Variants in CUX1 observed in about 807,000 individuals in gnomAD.
CUX1 encodes protein CASP.
Under a neutral mutation model 158.8 loss-of-function variants are expected in CUX1, and 31 were observed. The ratio of observed to expected loss-of-function variants is 0.20; its 90% CI spans 0.15 to 0.26. CUX1 has a LOEUF of 0.26. Among genes scored for constraint, CUX1 ranks in the 10% least tolerant of loss-of-function variants. The pLI is 1.00. For missense variants in CUX1, 1,589 were observed against 2,014.6 expected (o/e 0.79, Z 4.04); for synonymous variants, 879 against 862.1 (o/e 1.02, Z -0.34).
intron 2 of CUX1, among the ~76,000 whole-genome samples, chr7:101,918,771 T>G (rs1185396478): frequency 6.6e-6 from 1 of 152,188 alleles, no homozygotes; most frequent in Admixed American, 6.5e-5. Context: ...GTAACTTTTT[T>G]TTTATTTTTT....
chr7:102,061,562 G>A (rs1376960969), intron 3 of CUX1, among the ~76,000 whole-genome samples: 1 of 152,144 alleles, frequency 6.6e-6, no homozygotes, highest in Non-Finnish European at 1.5e-5. Flanking sequence ...GGCCCAGAGA[G>A]GTTAATTCAA....
chr7:101,971,649 G>A (rs963802889), intron 2 of CUX1, among the ~76,000 whole-genome samples: 1 of 152,216 alleles, frequency 6.6e-6, no homozygotes, highest in African/African-American at 2.4e-5. Flanking sequence ...GATAAGTCAT[G>A]TGACTTACGC....
intron 18 of CUX1, among the ~76,000 whole-genome samples, chr7:102,279,670 C>T (rs1791904760): frequency 6.6e-6 from 1 of 152,306 alleles, no homozygotes; most frequent in Admixed American, 6.5e-5. Flanking sequence ...ACCAGCCTGG[C>T]TCTGGGTGGC....
intron 9 of CUX1, among the ~76,000 whole-genome samples, chr7:102,169,386 G>A (rs1791470878): frequency 1.3e-5 from 2 of 152,204 alleles, no homozygotes; most frequent in South Asian, 2.1e-4. Context: ...AGGCTTTTCT[G>A]ATTGAATGTT....
intron 20 of CUX1, among the ~76,000 whole-genome samples, chr7:102,223,749 A>G (rs1475513978): frequency 3.9e-5 from 6 of 152,172 alleles, no homozygotes; most frequent in Admixed American, 3.9e-4. Flanking sequence ...TGGGCGGGTC[A>G]TCTAAGGTCA....
At chr7:101,854,144 C>T (rs1018198344) in intron 1 of CUX1, among the ~76,000 whole-genome samples, 1 of 152,106 alleles carries the variant, frequency 6.6e-6, no homozygotes. Context: ...CAAACAGGAT[C>T]GTCTGCCATG....
In CUX1 at chr7:101,817,738, C is replaced by T. The variant is rs1474170092; in HGVS notation, c.30+69C>T. On this transcript the variant is annotated intron_variant, in intron 1 of 23. Coordinates refer to ENST00000292535, the MANE Select transcript of CUX1 (RefSeq NM_181552.4). The surrounding 1 kb of genome is among the most constrained non-coding windows in gnomAD (Gnocchi z 4.1). Reference sequence around the variant, plus strand: ...AGGGAACCGGGGATGTCGGGGGGTGCCCGGGTCCCGCGGCTTAGAATGCTC... The same window carrying T: ...AGGGAACCGGGGATGTCGGGGGGTGTCCGGGTCCCGCGGCTTAGAATGCTC... 27 of 1,530,494 alleles carry T rather than the reference C, an allele frequency of 1.8e-5. No homozygotes were observed. Among genetic ancestry groups the T allele is most frequent in the Non-Finnish European group, 2.3e-5 (26 of 1,136,334 alleles). The allele number at this position is 1,530,494 out of a possible 1,614,324, so 94.8% of individuals were successfully genotyped here.
intron 8 of CUX1, among the ~76,000 whole-genome samples, chr7:102,123,750 C>T (rs1284198824): frequency 6.6e-6 from 1 of 152,018 alleles, no homozygotes; most frequent in Non-Finnish European, 1.5e-5. Flanking sequence ...ACAACTTCTA[C>T]CTCCCGGTTT....
intron 2 of CUX1, among the ~76,000 whole-genome samples, chr7:101,919,114 A>G (rs1304992111): frequency 2.0e-5 from 3 of 152,162 alleles, no homozygotes; most frequent in Admixed American, 6.5e-5. Flanking sequence ...ATAAGACCAG[A>G]ACAGTGGTGG....
intron 1 of CUX1, among the ~76,000 whole-genome samples, chr7:101,895,896 T>G (rs1452076854): frequency 2.9e-5 from 2 of 67,800 alleles, no homozygotes; most frequent in Admixed American, 1.7e-4. Flanking sequence ...GTAAAGTTTT[T>G]TTTTTGTTTT....
At chr7:102,028,211 A>G in intron 3 of CUX1, 66 bp downstream of exon 3, 1 of 1,533,160 alleles carries the variant, frequency 6.5e-7, no homozygotes. Flanking sequence ...TTTTATTCAC[A>G]TTAAAGAAAT....
intron 1 of CUX1, among the ~76,000 whole-genome samples, chr7:101,861,582 T>TG (rs1235952645): frequency 6.7e-5 from 4 of 59,984 alleles, no homozygotes; most frequent in Non-Finnish European, 9.1e-5. Flanking sequence ...GGCGGAGGAC[T>TG]GGGGGCTCAG....
intron 8 of CUX1, among the ~76,000 whole-genome samples, chr7:102,145,684 C>T (rs1034235297): frequency 7.2e-5 from 11 of 152,250 alleles, no homozygotes; most frequent in South Asian, 2.1e-4. Context: ...CGGTGGCTCA[C>T]GCCTGTAATC....
At chr7:102,170,997 T>C (rs1554510279) in intron 10 of CUX1, among the ~76,000 whole-genome samples, 1 of 152,074 alleles carries the variant, frequency 6.6e-6, no homozygotes, top group Non-Finnish European at 1.5e-5. Context: ...GGCAGAGAGG[T>C]AATAAAATAA....
intron 1 of CUX1, among the ~76,000 whole-genome samples, chr7:101,844,401 A>G (rs903831279): frequency 6.6e-6 from 1 of 152,136 alleles, no homozygotes; most frequent in Non-Finnish European, 1.5e-5. Context: ...TTCCACCCTC[A>G]TATTTAAGTG....
chr7:102,225,721 G>T (rs1554528408), intron 20 of CUX1, among the ~76,000 whole-genome samples: 1 of 152,224 alleles, frequency 6.6e-6, no homozygotes, highest in Non-Finnish European at 1.5e-5. Flanking sequence ...CAGGTGTAGT[G>T]GTGCAAGTCT....
chr7:102,108,941 A>G (rs1161621340), intron 6 of CUX1, among the ~76,000 whole-genome samples: 1 of 152,010 alleles, frequency 6.6e-6, no homozygotes, highest in African/African-American at 2.4e-5. Flanking sequence ...TTTTAGTAGA[A>G]CAGGATTTCA....
At chr7:101,819,081 G>C (rs1792195188) in intron 1 of CUX1, 1 of 152,192 alleles carries the variant, frequency 6.6e-6, no homozygotes, top group Non-Finnish European at 1.5e-5. Flanking sequence ...AGGAGTGTGT[G>C]CTCAGGAAGA....
In CUX1 at chr7:102,283,120, G is replaced by A. The variant is rs377408845; in HGVS notation, c.*30G>A. On this transcript the variant is annotated 3_prime_UTR_variant, in exon 23 of 23. Transcript: ENST00000292538. Reference sequence around the variant, plus strand: ...CCGGGGCCTCCCCCGTGACAGTGACGGCTGCGCCTCCACCCCGACTGCTCA... The same window carrying A: ...CCGGGGCCTCCCCCGTGACAGTGACAGCTGCGCCTCCACCCCGACTGCTCA... 39 of 1,581,180 alleles carry A rather than the reference G, an allele frequency of 2.5e-5. No individual in the cohort carries two copies. In the East Asian group the frequency reaches 3.6e-4, roughly 15 times the overall value.
Sources: gnomAD v4.1 joint callset for allele counts (sites outside exome capture counted in the v4.1 genomes callset) on GRCh38, gnomAD v4.1.1 for gene constraint, Gnocchi (gnomAD v3.1) non-coding constraint, MANE v1.5 for transcripts, NCBI Gene and HGNC (gene_info 2026-07-23, HGNC 2026-07-21) for gene names.